The following ADAM10 variants were observed in gnomAD, a reference collection of about 807,000 sequenced individuals.
ADAM10 encodes the protein ADAM metallopeptidase domain 10.
In ADAM10, 17 loss-of-function variants were observed where a neutral mutation model predicts 90.1. The observed-to-expected ratio is 0.19, with a 90% confidence interval of 0.13 to 0.28. The LOEUF is 0.28. Among genes scored for constraint, ADAM10 ranks in the 10% least tolerant of loss-of-function variants. The pLI is 1.00. For synonymous variants in ADAM10, 310 were observed against 298.6 expected, an observed-to-expected ratio of 1.04 and a Z score of -0.40; for missense variants, 610 against 914.3, an observed-to-expected ratio of 0.67 and a Z score of 4.29.
rs1221723800 is a variant in ADAM10 at position 58,628,030 on chromosome 15, A to G, written c.1177-147T>C. On this transcript the variant is annotated intron_variant, in intron 9 of 15. Coordinates refer to ENST00000260408, the MANE Select transcript of ADAM10 (RefSeq NM_001110.4). Reference sequence around the variant, plus strand: ...GATCTTACAATTGTTTTACACCTTGAGTAGGAAAAGAATTTGCTCTTTTAG... The same window carrying G: ...GATCTTACAATTGTTTTACACCTTGGGTAGGAAAAGAATTTGCTCTTTTAG... The G allele has an allele frequency of 6.9e-5, 56 of 810,646 alleles. 1 individual carries two copies. The highest frequency in any genetic ancestry group is 1.0e-4 in the Non-Finnish European group (54 of 517,948). The allele number at this position is 810,646 out of a possible 1,614,324, so 50.2% of individuals were successfully genotyped here.
chr15:58,697,468 C>T (rs1898011795), intron 2 of ADAM10, among the ~76,000 whole-genome samples: 1 of 152,152 alleles, frequency 6.6e-6, no homozygotes, highest in Non-Finnish European at 1.5e-5. Context: ...CCCTCCACCA[C>T]CGTTAACATG....
chr15:58,628,187 A>G (rs1321965768), intron 9 of ADAM10, among the ~76,000 whole-genome samples: 4 of 152,244 alleles, frequency 2.6e-5, no homozygotes, highest in African/African-American at 4.8e-5. Flanking sequence ...ACATACTTTT[A>G]AAACTAGTAA....
In ADAM10 at chr15:58,595,273, A is replaced by G. The variant is rs1894921198; in HGVS notation, c.*2274T>C. The G allele has an allele frequency of 6.6e-6, 1 of 152,152 alleles. No homozygotes were observed. Among genetic ancestry groups the G allele is most frequent in the Non-Finnish European group, 1.5e-5 (1 of 67,992 alleles). The allele number at this position is 152,152 out of a possible 1,614,324, so 9.4% of individuals were successfully genotyped here. Reference sequence around the variant, plus strand: ...ACTGGAAATTTTCTACATGGATTCCAAAGTATTAAGAATAAAGATAATCTA... The same window carrying G: ...ACTGGAAATTTTCTACATGGATTCCGAAGTATTAAGAATAAAGATAATCTA... On this transcript the variant is annotated 3_prime_UTR_variant, in exon 16 of 16. Transcript: ENST00000260408.
intron 5 of ADAM10, 49 bp downstream of exon 5, chr15:58,665,048 T>C (rs757759540): frequency 3.7e-6 from 5 of 1,339,052 alleles, no homozygotes; most frequent in Non-Finnish European, 4.3e-6. Flanking sequence ...ATATACATCC[T>C]CAAATTCATT....
At chr15:58,606,538 C>A (rs573945046) in intron 14 of ADAM10, among the ~76,000 whole-genome samples, 1 of 152,298 alleles carries the variant, frequency 6.6e-6, no homozygotes, top group South Asian at 2.1e-4. Flanking sequence ...CTTACAATAT[C>A]ATTATATCTT....
At chr15:58,690,870 T>C (rs939630419) in intron 2 of ADAM10, among the ~76,000 whole-genome samples, 3 of 152,188 alleles carry the variant, frequency 2.0e-5, no homozygotes, top group Non-Finnish European at 2.9e-5. Context: ...TGCAGCTGGA[T>C]AGGTCTGAGG....
chr15:58,737,960 G>C (rs1487141991), intron 1 of ADAM10, among the ~76,000 whole-genome samples: 1 of 152,110 alleles, frequency 6.6e-6, no homozygotes, highest in Non-Finnish European at 1.5e-5. Context: ...TACCCAAAAA[G>C]TTGGCTATAC....
rs139647589 is a variant in ADAM10, at chr15:58,608,577, T to C, written c.2025+1720A>G. Among the ~76,000 whole-genome samples the C allele has an allele frequency of 1.8e-3, 274 of 152,310 alleles. 1 individual carries two copies. The highest frequency in any genetic ancestry group is 6.1e-3 in the African/African-American group (255 of 41,584). ...TCAACAATGATATAAAATAAAGGCA[T>C]GTTCTATCCCACACACACTTAAAGT... On this transcript the variant is annotated intron_variant, in intron 14 of 15. Transcript: ENST00000260408.
chr15:58,680,965 GCCA>G (rs1258764688), intron 3 of ADAM10, among the ~76,000 whole-genome samples: 1 of 152,018 alleles, frequency 6.6e-6, no homozygotes, highest in Non-Finnish European at 1.5e-5. Context: ...CTACAGGTGT[GCCA>G]CCACAACTAA....
chr15:58,722,667 T>A (rs1177682283), intron 1 of ADAM10, among the ~76,000 whole-genome samples: 1 of 151,076 alleles, frequency 6.6e-6, no homozygotes, highest in Non-Finnish European at 1.5e-5. Flanking sequence ...AAATCAGCCA[T>A]GAAGGGAGTA....
intron 7 of ADAM10, among the ~76,000 whole-genome samples, chr15:58,642,385 A>C (rs1285933416): frequency 1.3e-5 from 2 of 152,096 alleles, no homozygotes; most frequent in Admixed American, 1.3e-4. Context: ...GAATCGCTTG[A>C]AACTGGAAGG....
Position 58,594,891 on chromosome 15 carries a change from C to G in ADAM10, c.*2656G>C, listed in dbSNP as rs1357867716. On this transcript the variant is annotated 3_prime_UTR_variant, in exon 16 of 16. Coordinates refer to ENST00000260408, the MANE Select transcript of ADAM10 (RefSeq NM_001110.4). ...CTCATTTAACAAGTATTACTTATAGCTAACCTTGACTAAAAAAAGAATTTG... is the reference window on the plus strand; with the variant it reads ...CTCATTTAACAAGTATTACTTATAGGTAACCTTGACTAAAAAAAGAATTTG... 1 of 152,010 alleles carries G rather than the reference C, an allele frequency of 6.6e-6. No individual in the cohort carries two copies. The highest frequency in any genetic ancestry group is 2.4e-5 in the African/African-American group (1 of 41,388). The allele number at this position is 152,010 out of a possible 1,614,324, so 9.4% of individuals were successfully genotyped here.
chr15:58,608,076 T>C (rs1462039111), intron 14 of ADAM10, among the ~76,000 whole-genome samples: 1 of 152,208 alleles, frequency 6.6e-6, no homozygotes, highest in Admixed American at 6.5e-5. Flanking sequence ...ATACAGTAAA[T>C]GTATTTGGAA....
chr15:58,731,370 A>C (rs1295152420), intron 1 of ADAM10, among the ~76,000 whole-genome samples: 4 of 152,030 alleles, frequency 2.6e-5, no homozygotes, highest in African/African-American at 9.7e-5. Context: ...TGTAATCCTA[A>C]CACTTTGGGG....
chr15:58,729,121 G>A (rs964525337), intron 1 of ADAM10, among the ~76,000 whole-genome samples: 1 of 152,138 alleles, frequency 6.6e-6, no homozygotes, highest in Non-Finnish European at 1.5e-5. Flanking sequence ...ACTTTGGGAG[G>A]CTAAGGCAGA....
Position 58,665,109 on chromosome 15 carries a change from C to T in ADAM10, c.573G>A (p.Glu191=), listed in dbSNP as rs1398945742. The T allele has an allele frequency of 1.2e-6, 2 of 1,610,634 alleles. No homozygotes were observed. Among genetic ancestry groups the T allele is most frequent in the East Asian group, 2.2e-5 (1 of 44,814 alleles). ...TTAAAATCCTTACCTGTGTTACTTC[C>T]TCTACACCAGTCATCTGGTATTTCC... is the stretch of plus-strand genomic sequence containing the variant. ...RMRKYQMTGV[E]EVTQIPQEEH... is the part of the protein sequence containing the mutation. The change falls in exon 5 of 16, where the codon GAG becomes GAA. Residue 191 remains glutamate (E), a synonymous_variant. Coordinates refer to ENST00000260408, the MANE Select transcript of ADAM10 (RefSeq NM_001110.4).
At chr15:58,686,195 T>C (rs1039316859) in intron 2 of ADAM10, among the ~76,000 whole-genome samples, 2 of 152,192 alleles carry the variant, frequency 1.3e-5, no homozygotes, top group African/African-American at 4.8e-5. Context: ...ATTAAGGAGC[T>C]GTTAGTTGAC....
intron 1 of ADAM10, among the ~76,000 whole-genome samples, chr15:58,741,840 T>C (rs760925903): frequency 3.9e-5 from 6 of 152,198 alleles, no homozygotes; most frequent in African/African-American, 9.7e-5. Flanking sequence ...CATAATATTC[T>C]ATCTCATAGT....
chr15:58,700,846 C>T (rs1287782414), intron 2 of ADAM10, among the ~76,000 whole-genome samples: 1 of 151,538 alleles, frequency 6.6e-6, no homozygotes, highest in South Asian at 2.1e-4. Context: ...AAGACCCCAT[C>T]CCTAAAAAAA....
Sources: gnomAD v4.1 joint callset for allele counts (sites outside exome capture counted in the v4.1 genomes callset) on GRCh38, gnomAD v4.1.1 for gene constraint, MANE v1.5 for transcripts, NCBI Gene and HGNC (gene_info 2026-07-23, HGNC 2026-07-21) for gene names.